Variants in FAM120C observed in about 807,000 individuals in gnomAD.
FAM120C encodes constitutive coactivator of PPAR-gamma-like protein 2.
A neutral mutation model predicts 71.2 loss-of-function variants in FAM120C; 14 were observed. That is an observed-to-expected ratio of 0.20 (90% CI 0.13 to 0.31). FAM120C has a LOEUF of 0.31. Ranked by LOEUF, FAM120C falls within the 10% of genes least tolerant of loss-of-function variation. The probability of loss-of-function intolerance (pLI) is 1.00; values close to 1 mark genes in which losing one functional copy is unlikely to be tolerated. For synonymous variants in FAM120C, 354 were observed against 353.2 expected (o/e 1.00, Z -0.03); for missense variants, 500 against 879.0 (o/e 0.57, Z 5.45).
chrX:54,140,065 G>A (rs193075246), intron 4 of FAM120C, among the ~76,000 whole-genome samples: 100 of 109,939 alleles, frequency 9.1e-4, no homozygotes, highest in African/African-American at 3.2e-3. Context: ...AGGCCGAGGC[G>A]GGCGGATCAC....
At position 54,135,685 on chromosome X, in the gene FAM120C, GAA is replaced by G. The variant is rs1184029189; in HGVS notation, c.1259-83_1259-82del. The G allele has an allele frequency of 1.5e-5, 11 of 740,699 alleles. No homozygotes were observed. The Admixed American group carries it at 3.4e-4, about 23-fold the overall frequency. 61.0% of individuals were successfully genotyped at this position (740,699 alleles called of 1,213,427 possible). On this transcript the variant is annotated intron_variant, in intron 5 of 15. Transcript: ENST00000375180. The stretch of plus-strand genomic sequence containing the variant: ...ATATTCTGCTCACCCCATATCACCT[GAA>G]AAAGTGTTATTAATAAATAAGTTAC...
chrX:54,082,429 G>C (rs1327280689), intron 13 of FAM120C, among the ~76,000 whole-genome samples: 2 of 109,910 alleles, frequency 1.8e-5, no homozygotes, highest in East Asian at 5.8e-4. Context: ...GTTTTTTTGA[G>C]ACAGAGTCTC....
intron 11 of FAM120C, among the ~76,000 whole-genome samples, chrX:54,090,857 C>T (rs1465732914): frequency 1.8e-5 from 2 of 111,314 alleles, no homozygotes; most frequent in Non-Finnish European, 3.8e-5. Context: ...CCAAGGCAGC[C>T]CGGCTTCAGA....
intron 1 of FAM120C, among the ~76,000 whole-genome samples, chrX:54,170,735 ATATAAT>A (rs2067283462): frequency 9.0e-6 from 1 of 111,672 alleles, no homozygotes; most frequent in South Asian, 3.7e-4. Flanking sequence ...ACAATTTATA[ATATAAT>A]AGCTGGCACA....
chrX:54,168,983 G>A (rs1266170134), intron 1 of FAM120C, among the ~76,000 whole-genome samples: 1 of 111,632 alleles, frequency 9.0e-6, no homozygotes, highest in African/African-American at 3.3e-5. Flanking sequence ...GAACCAATTA[G>A]GTCTGACTTT....
intron 9 of FAM120C, among the ~76,000 whole-genome samples, chrX:54,118,655 T>C (rs1465336293): frequency 3.8e-5 from 4 of 105,870 alleles, no homozygotes; most frequent in African/African-American, 6.9e-5. Context: ...GGTAAGTATG[T>C]AGTGATATTT....
rs782139749 is a variant in FAM120C, at chrX:54,098,041, C to CT, written c.2313-6616dup. Among the ~76,000 whole-genome samples the CT allele has an allele frequency of 7.9e-3, 579 of 73,331 alleles. 14 individuals are homozygous for CT. The East Asian group carries it at 0.087, about 11-fold the overall frequency. 63.7% of individuals were successfully genotyped at this position (73,331 alleles called of 115,157 possible). A position where few individuals can be genotyped will look rare whatever the true frequency, so the allele number is the denominator to read the frequency against. On this transcript the variant is annotated intron_variant, in intron 10 of 15. Coordinates refer to ENST00000375180, the MANE Select transcript of FAM120C (RefSeq NM_017848.6). Reference sequence around the variant, plus strand: ...GTGCCCGGCCTATTTTTTTATATTACTTTTTTTTTTTTTTTTTGAGATGGA... The same window carrying CT: ...GTGCCCGGCCTATTTTTTTATATTACTTTTTTTTTTTTTTTTTTGAGATGGA...
chrX:54,112,143 G>A (rs2066940398), intron 10 of FAM120C, among the ~76,000 whole-genome samples: 2 of 112,276 alleles, frequency 1.8e-5, no homozygotes, highest in African/African-American at 6.5e-5. Context: ...TGGGCTGGGT[G>A]TGGTGGCTTA....
At chrX:54,134,329 A>G (rs2067083436) in intron 7 of FAM120C, among the ~76,000 whole-genome samples, 1 of 111,973 alleles carries the variant, frequency 8.9e-6, no homozygotes, top group Non-Finnish European at 1.9e-5. Flanking sequence ...TTAAGAAAAT[A>G]ATCACAATTA....
rs2066708588 is a variant in FAM120C at position 54,071,475 on chromosome X, C to G, written c.*1558G>C. ...GTTTCCTCACACTTCCCTACCCTAT[C>G]TTTCCAAAGCTAGTCCTCTCTCCTT... On this transcript the variant is annotated 3_prime_UTR_variant, in exon 16 of 16. Transcript: ENST00000375180. The G allele has an allele frequency of 8.8e-6, 1 of 113,019 alleles. No individual in the cohort carries two copies. The highest frequency in any genetic ancestry group is 1.9e-5 in the Non-Finnish European group (1 of 53,375). 9.3% of individuals were successfully genotyped at this position (113,019 alleles called of 1,213,427 possible).
intron 9 of FAM120C, among the ~76,000 whole-genome samples, chrX:54,127,142 A>G (rs2067031411): frequency 9.0e-6 from 1 of 111,074 alleles, no homozygotes; most frequent in African/African-American, 3.3e-5. Flanking sequence ...CTCATGACCT[A>G]ATTATCTCCC....
rs2066710748 is a variant in FAM120C, at chrX:54,071,949, TATG to T, written c.*1081_*1083del. 1 of 103,301 alleles carries T rather than the reference TATG, an allele frequency of 9.7e-6. No individual in the cohort carries two copies. Among genetic ancestry groups the T allele is most frequent in the East Asian group, 3.0e-4 (1 of 3,293 alleles). 8.5% of individuals were successfully genotyped at this position (103,301 alleles called of 1,213,427 possible). On this transcript the variant is annotated 3_prime_UTR_variant, in exon 16 of 16. Coordinates refer to ENST00000375180, the MANE Select transcript of FAM120C (RefSeq NM_017848.6). ...GGACATCACCATGTATGTATGTATG[TATG>T]TATGTATGTATGTATGTGTGTATAT...
intron 10 of FAM120C, among the ~76,000 whole-genome samples, chrX:54,098,101 A>G (rs1320630418): frequency 1.4e-3 from 131 of 94,521 alleles, no homozygotes; most frequent in African/African-American, 4.8e-3. Context: ...GAGTGCAGTG[A>G]CACGGTCTCG....
Position 54,071,933 on chromosome X carries a change from C to CATGTATGT in FAM120C, c.*1092_*1099dup, listed in dbSNP as rs199747926. ...TTGAGTAAATCCTCTGGGACATCACCATGTATGTATGTATGTATGTATGTA... is the reference window on the plus strand; with the variant it reads ...TTGAGTAAATCCTCTGGGACATCACCATGTATGTATGTATGTATGTATGTATGTATGTA... On this transcript the variant is annotated 3_prime_UTR_variant, in exon 16 of 16. Transcript: ENST00000375180. 1.1e-5 allele frequency: 1 copy of CATGTATGT among 87,114 alleles called. No homozygotes were observed. Among genetic ancestry groups the CATGTATGT allele is most frequent in the Non-Finnish European group, 2.2e-5 (1 of 44,795 alleles). 7.2% of individuals were successfully genotyped at this position (87,114 alleles called of 1,213,427 possible). A position where few individuals can be genotyped will look rare whatever the true frequency, so the allele number is the denominator to read the frequency against.
At chrX:54,129,133 C>T (rs2146604758) in intron 9 of FAM120C, among the ~76,000 whole-genome samples, 1 of 106,370 alleles carries the variant, frequency 9.4e-6, no homozygotes, top group South Asian at 4.2e-4. Flanking sequence ...GACGGGGCGG[C>T]CGGCCGGGGC....
At position 54,078,165 on chromosome X, in the gene FAM120C, G is replaced by C. The variant is rs1479122882; in HGVS notation, c.3036+2067C>G. ...TCACCTTGTTAGCCAGGATGGTCTC[G>C]ATCTCCTGACCTCGTGATCCGCCCG... On this transcript the variant is annotated intron_variant, in intron 15 of 15. Coordinates refer to ENST00000375180, the MANE Select transcript of FAM120C (RefSeq NM_017848.6). 5.7e-5 allele frequency among the ~76,000 whole-genome samples: 6 copies of C among 105,560 alleles called. No individual in the cohort carries two copies. In the South Asian group the frequency reaches 1.3e-3, roughly 23 times the overall value. 91.7% of individuals were successfully genotyped at this position (105,560 alleles called of 115,157 possible). A position where few individuals can be genotyped will look rare whatever the true frequency, so the allele number is the denominator to read the frequency against.
intron 7 of FAM120C, 56 bp downstream of exon 7, chrX:54,134,775 A>G: frequency 1.8e-6 from 2 of 1,132,061 alleles, no homozygotes; most frequent in Non-Finnish European, 2.4e-6. Context: ...CTAACAAGCA[A>G]AATAATACAG....
At position 54,071,393 on chromosome X, in the gene FAM120C, C is replaced by T. The variant is rs1245361575; in HGVS notation, c.*1640G>A. ...TTCCTTGCAAAGCAAATGAAAAGAT[C>T]CAGTAGTCAGAATGTCAATGAACAA... On this transcript the variant is annotated 3_prime_UTR_variant, in exon 16 of 16. Transcript: ENST00000375180. 8.9e-6 allele frequency: 1 copy of T among 112,802 alleles called. No homozygotes were observed. The highest frequency in any genetic ancestry group is 9.4e-5 in the Admixed American group (1 of 10,665). 9.3% of individuals were successfully genotyped at this position (112,802 alleles called of 1,213,427 possible).
intron 1 of FAM120C, chrX:54,174,184 A>G (rs1391029426): frequency 3.9e-6 from 2 of 509,380 alleles, no homozygotes; most frequent in Admixed American, 2.7e-5. Context: ...GCCAGAGAGA[A>G]AGAGAGAGAG....
Sources: allele counts gnomAD v4.1 joint callset (sites outside exome capture counted in the v4.1 genomes callset), GRCh38; gene constraint gnomAD v4.1.1; transcripts MANE v1.5; gene names NCBI Gene and HGNC (gene_info 2026-07-23, HGNC 2026-07-21).